VWC2L: variants seen among roughly 807,000 people sequenced by gnomAD.
VWC2L encodes the protein von Willebrand factor C domain-containing protein 2-like.
In VWC2L, 10 loss-of-function variants were observed where a neutral mutation model predicts 21.6. The ratio of observed to expected loss-of-function variants is 0.46; its 90% CI spans 0.29 to 0.78. VWC2L has a LOEUF of 0.78. Ranked by LOEUF, VWC2L falls within the 30% of genes least tolerant of loss-of-function variation. VWC2L has a pLI of 0.10. For missense variants in VWC2L, 209 were observed against 277.1 expected, an observed-to-expected ratio of 0.75 and a Z score of 1.74; for synonymous variants, 96 against 94.3, an observed-to-expected ratio of 1.02 and a Z score of -0.10.
At chr2:214,541,416 C>CAT (rs1409099225) in intron 3 of VWC2L, among the ~76,000 whole-genome samples, 1 of 152,194 alleles carries the variant, frequency 6.6e-6, no homozygotes, top group Admixed American at 6.5e-5. Context: ...AGAGCTGCCT[C>CAT]ATTGCTCCAT....
rs545429797 is a variant in VWC2L at position 214,415,719 on chromosome 2, G to A, written c.390+1136G>A. On this transcript the variant is annotated intron_variant, in intron 2 of 3. Transcript: ENST00000312504. Reference sequence around the variant, plus strand: ...TTAACCTGGAATGAACCAGGTTAGCGGTTCAAGCCAGTTCTGATTTACCCA... The same window carrying A: ...TTAACCTGGAATGAACCAGGTTAGCAGTTCAAGCCAGTTCTGATTTACCCA... Among the ~76,000 whole-genome samples, 126 of 152,160 alleles carry A rather than the reference G, an allele frequency of 8.3e-4. No homozygotes were observed. In the Middle Eastern group the frequency reaches 0.02, roughly 25 times the overall value.
At chr2:214,524,271 G>T (rs1227573191) in intron 3 of VWC2L, among the ~76,000 whole-genome samples, 1 of 152,004 alleles carries the variant, frequency 6.6e-6, no homozygotes, top group Non-Finnish European at 1.5e-5. Context: ...AATTATTCTT[G>T]GTTGTTAAAC....
chr2:214,570,926 C>G (rs575094343), intron 3 of VWC2L, among the ~76,000 whole-genome samples: 8 of 152,240 alleles, frequency 5.3e-5, no homozygotes, highest in Non-Finnish European at 7.4e-5. Flanking sequence ...TTTGGTTGGT[C>G]TATGTCCAGC....
At chr2:214,567,232 G>T (rs1690075418) in intron 3 of VWC2L, among the ~76,000 whole-genome samples, 1 of 152,130 alleles carries the variant, frequency 6.6e-6, no homozygotes, top group East Asian at 1.9e-4. Context: ...GATCAATAAA[G>T]TGGTCCTGAC....
chr2:214,558,257 C>T (rs1170025037), intron 3 of VWC2L, among the ~76,000 whole-genome samples: 1 of 152,100 alleles, frequency 6.6e-6, no homozygotes, highest in Non-Finnish European at 1.5e-5. Flanking sequence ...ATGACAATGT[C>T]GTCCTAGGCC....
chr2:214,470,385 A>G (rs1449043825), intron 3 of VWC2L, among the ~76,000 whole-genome samples: 1 of 152,168 alleles, frequency 6.6e-6, no homozygotes, highest in Non-Finnish European at 1.5e-5. Context: ...ATAGGTACTT[A>G]TAGGTTTGTT....
chr2:214,419,995 G>C (rs992228934), intron 2 of VWC2L, among the ~76,000 whole-genome samples: 1 of 152,130 alleles, frequency 6.6e-6, no homozygotes, highest in Non-Finnish European at 1.5e-5. Flanking sequence ...GGAGGTGGAG[G>C]CTGCAGTGAG....
intron 2 of VWC2L, among the ~76,000 whole-genome samples, chr2:214,430,224 G>C (rs532428790): frequency 8.0e-6 from 1 of 124,340 alleles, no homozygotes; most frequent in South Asian, 2.4e-4. Flanking sequence ...AACTTTACTT[G>C]ATAATTAATA....
chr2:214,513,350 T>C (rs1198142444), intron 3 of VWC2L, among the ~76,000 whole-genome samples: 5 of 152,072 alleles, frequency 3.3e-5, no homozygotes, highest in African/African-American at 1.2e-4. Flanking sequence ...AGGCAAATAG[T>C]TTTGTGAGCT....
chr2:214,416,829 A>G (rs1468774947), intron 2 of VWC2L, among the ~76,000 whole-genome samples: 1 of 152,102 alleles, frequency 6.6e-6, no homozygotes, highest in East Asian at 1.9e-4. Context: ...ATAACATATA[A>G]TTTCTCTGAA....
chr2:214,547,105 A>T (rs1490634635), intron 3 of VWC2L, among the ~76,000 whole-genome samples: 1 of 152,214 alleles, frequency 6.6e-6, no homozygotes, highest in Non-Finnish European at 1.5e-5. Context: ...CGGCATTTTT[A>T]AAATCAGGAT....
intron 3 of VWC2L, among the ~76,000 whole-genome samples, chr2:214,522,678 CTTTT>C (rs1689264108): frequency 6.6e-6 from 1 of 152,048 alleles, no homozygotes; most frequent in African/African-American, 2.4e-5. Flanking sequence ...TATAATATGT[CTTTT>C]GAAGATAAAT....
At chr2:214,553,390 T>C (rs1334525738) in intron 3 of VWC2L, among the ~76,000 whole-genome samples, 2 of 152,202 alleles carry the variant, frequency 1.3e-5, no homozygotes, top group African/African-American at 4.8e-5. Context: ...AATCAACACA[T>C]GTAAGATGTA....
chr2:214,467,026 G>A (rs888051293), intron 3 of VWC2L, among the ~76,000 whole-genome samples: 4 of 152,136 alleles, frequency 2.6e-5, no homozygotes, highest in Non-Finnish European at 5.9e-5. Flanking sequence ...AAATGTTTTA[G>A]AGCTTTGCTG....
intron 3 of VWC2L, among the ~76,000 whole-genome samples, chr2:214,514,151 T>G (rs1297406443): frequency 7.9e-6 from 1 of 127,248 alleles, no homozygotes; most frequent in Non-Finnish European, 1.7e-5. Flanking sequence ...AAGGTTCATA[T>G]CAAAGGTTTT....
In VWC2L at chr2:214,496,268, TAAC is replaced by T. The variant is rs1688811933; in HGVS notation, c.520+59511_520+59513del. On this transcript the variant is annotated intron_variant, in intron 3 of 3. Transcript: ENST00000312504. ...TCTTATGGGACAACTCTCATATAAG[TAAC>T]TCATCAGTGACTGAAACTTTATGTG... Among the ~76,000 whole-genome samples, 9 of 100,882 alleles carry T rather than the reference TAAC, an allele frequency of 8.9e-5. No homozygotes were observed. The Admixed American group carries it at 9.3e-4, about 10-fold the overall frequency. 66.2% of individuals were successfully genotyped at this position (100,882 alleles called of 152,430 possible).
chr2:214,513,945 T>G (rs1167371209), intron 3 of VWC2L, among the ~76,000 whole-genome samples: 1 of 152,060 alleles, frequency 6.6e-6, no homozygotes. Flanking sequence ...AGTCAACAAG[T>G]TGAAAGGACA....
chr2:214,501,858 G>A (rs1688897225), intron 3 of VWC2L, among the ~76,000 whole-genome samples: 1 of 152,058 alleles, frequency 6.6e-6, no homozygotes, highest in Admixed American at 6.6e-5. Flanking sequence ...TACAGGCCAC[G>A]AGGAAAGGTC....
In VWC2L at chr2:214,514,062, A is replaced by G. The variant is rs549205823; in HGVS notation, c.521-61610A>G. On this transcript the variant is annotated intron_variant, in intron 3 of 3. Coordinates refer to ENST00000312504, the MANE Select transcript of VWC2L (RefSeq NM_001080500.4). ...TGAGAACTGATTGATGGTTCAGCCCATATACACACACTCATGCAAACGACT... is the reference window on the plus strand; with the variant it reads ...TGAGAACTGATTGATGGTTCAGCCCGTATACACACACTCATGCAAACGACT... 2.4e-4 allele frequency among the ~76,000 whole-genome samples: 36 copies of G among 152,230 alleles called. No homozygotes were observed. In the East Asian group the frequency reaches 4.6e-3, roughly 20 times the overall value.
Sources: allele counts gnomAD v4.1 joint callset (sites outside exome capture counted in the v4.1 genomes callset), GRCh38; gene constraint gnomAD v4.1.1; transcripts MANE v1.5; gene names NCBI Gene and HGNC (gene_info 2026-07-23, HGNC 2026-07-21).